PARD3B: variants seen among roughly 807,000 people sequenced by gnomAD.
PARD3B encodes the protein par-3 family cell polarity regulator beta.
PARD3B carries 103 observed loss-of-function variants against 130.2 expected under a neutral mutation model. That is an observed-to-expected ratio of 0.79 (90% CI 0.67 to 0.93). The LOEUF is 0.93. Ranked by LOEUF, PARD3B falls within the 40% of genes least tolerant of loss-of-function variation. The pLI, the probability that PARD3B is intolerant of heterozygous loss-of-function variation, is 0.00. For missense variants in PARD3B, 1,609 were observed against 1,499.2 expected (o/e 1.07, Z -1.21); for synonymous variants, 583 against 553.2 (o/e 1.05, Z -0.76).
chr2:205,071,481 A>G (rs1333780378), intron 4 of PARD3B, among the ~76,000 whole-genome samples: 2 of 152,174 alleles, frequency 1.3e-5, no homozygotes, highest in African/African-American at 4.8e-5. Context: ...GTTGAAATCA[A>G]TGTCTATAAT....
At chr2:205,248,856 C>T (rs1317479190) in intron 16 of PARD3B, among the ~76,000 whole-genome samples, 4 of 151,932 alleles carry the variant, frequency 2.6e-5, no homozygotes, top group Non-Finnish European at 5.9e-5. Context: ...ATCCGCCCGC[C>T]TCGGCCTCCC....
At chr2:204,954,386 G>GT (rs1690058413) in intron 2 of PARD3B, among the ~76,000 whole-genome samples, 1 of 152,132 alleles carries the variant, frequency 6.6e-6, no homozygotes, top group Non-Finnish European at 1.5e-5. Context: ...GCCTCCACCA[G>GT]TTGCTCAGCT....
intron 19 of PARD3B, among the ~76,000 whole-genome samples, chr2:205,435,510 C>G (rs1286831482): frequency 2.0e-5 from 3 of 151,666 alleles, no homozygotes; most frequent in African/African-American, 7.3e-5. Flanking sequence ...TTCTTTTTTA[C>G]TGCTATCTCT....
chr2:205,047,467 G>T, intron 3 of PARD3B, 114 bp from the exon 4 acceptor site: 1 of 580,320 alleles, frequency 1.7e-6, no homozygotes, highest in Non-Finnish European at 3.0e-6. Flanking sequence ...CTTAGAAATA[G>T]AATGTTTTTA....
At chr2:205,120,418 CA>C (rs1260813981) in intron 7 of PARD3B, among the ~76,000 whole-genome samples, 1 of 152,000 alleles carries the variant, frequency 6.6e-6, no homozygotes, top group Non-Finnish European at 1.5e-5. Context: ...TAACAATTTG[CA>C]GAATTAAGCA....
chr2:205,615,715 G>A lies in PARD3B; in HGVS notation c.3520G>A (p.Glu1174Lys), dbSNP rs755353238. The A allele has an allele frequency of 1.9e-6, 3 of 1,614,094 alleles. No individual in the cohort carries two copies. Among genetic ancestry groups the A allele is most frequent in the Non-Finnish European group, 2.5e-6 (3 of 1,180,024 alleles). The part of the protein sequence containing the change: ...PQHQRMPAYQ[E>K]TGRPGPRGGS... ...GCACCAAAGAATGCCAGCCTATCAG[G>A]AAACAGGCAGACCAGGGCCCCGTGG... Residue 1174 changes from glutamate to lysine, a missense_variant, in exon 23 of 23, where the codon GAA (glutamate) becomes AAA (lysine). Transcript: ENST00000406610.
intron 1 of PARD3B, among the ~76,000 whole-genome samples, chr2:204,663,996 CTT>C: frequency 6.6e-6 from 1 of 152,124 alleles, no homozygotes; most frequent in Non-Finnish European, 1.5e-5. Flanking sequence ...TGCAAAAACT[CTT>C]TTCAGTATCC....
chr2:204,666,172 TGA>T (rs1559041658), intron 1 of PARD3B, among the ~76,000 whole-genome samples: 1 of 152,050 alleles, frequency 6.6e-6, no homozygotes, highest in Non-Finnish European at 1.5e-5. Flanking sequence ...CCCCTGCTCT[TGA>T]GAAAGAAACA....
chr2:205,586,692 AT>A (rs1355265463), intron 22 of PARD3B, among the ~76,000 whole-genome samples: 11 of 152,076 alleles, frequency 7.2e-5, no homozygotes, highest in Non-Finnish European at 1.2e-4. Context: ...GGATTTCATA[AT>A]TTCATACATT....
At chr2:204,904,223 A>G (rs1475435008) in intron 2 of PARD3B, among the ~76,000 whole-genome samples, 1 of 152,198 alleles carries the variant, frequency 6.6e-6, no homozygotes, top group Non-Finnish European at 1.5e-5. Context: ...ATAATCCAGG[A>G]TGGTTTCAGT....
intron 21 of PARD3B, among the ~76,000 whole-genome samples, chr2:205,500,807 A>G (rs989575957): frequency 1.3e-5 from 2 of 152,188 alleles, no homozygotes; most frequent in African/African-American, 4.8e-5. Context: ...TACTGGCATT[A>G]TTATCAGAGC....
At chr2:204,764,907 T>C (rs1179145011) in intron 2 of PARD3B, among the ~76,000 whole-genome samples, 1 of 152,146 alleles carries the variant, frequency 6.6e-6, no homozygotes, top group African/African-American at 2.4e-5. Context: ...TTGACAGTTT[T>C]GTTTAAATAA....
At chr2:205,355,935 GA>G (rs1241612130) in intron 18 of PARD3B, among the ~76,000 whole-genome samples, 3 of 152,158 alleles carry the variant, frequency 2.0e-5, no homozygotes, top group African/African-American at 7.2e-5. Context: ...AAAGCATGGG[GA>G]AACTGCCCCC....
At chr2:205,169,707 C>G (rs1041576078) in intron 11 of PARD3B, among the ~76,000 whole-genome samples, 19 of 152,162 alleles carry the variant, frequency 1.2e-4, no homozygotes, top group African/African-American at 4.3e-4. Context: ...ACCTCATTTC[C>G]TGTTAACAGG....
chr2:204,737,627 T>A (rs2039815500), intron 2 of PARD3B, among the ~76,000 whole-genome samples: 1 of 152,330 alleles, frequency 6.6e-6, no homozygotes, highest in Admixed American at 6.5e-5. Context: ...GCTTTTGGGA[T>A]CTTAGTCATG....
chr2:205,254,702 C>T (rs1456131143), intron 16 of PARD3B, among the ~76,000 whole-genome samples: 2 of 149,300 alleles, frequency 1.3e-5, no homozygotes, highest in Non-Finnish European at 3.0e-5. Flanking sequence ...CTCGCTCTGT[C>T]GCCCAGACTG....
At chr2:205,547,726 G>T (rs1381513615) in intron 21 of PARD3B, among the ~76,000 whole-genome samples, 1 of 152,182 alleles carries the variant, frequency 6.6e-6, no homozygotes, top group African/African-American at 2.4e-5. Context: ...CAATGTTACA[G>T]CTGCTAAAGC....
At chr2:204,881,201 C>A (rs1408551482) in intron 2 of PARD3B, among the ~76,000 whole-genome samples, 3 of 152,144 alleles carry the variant, frequency 2.0e-5, no homozygotes, top group Non-Finnish European at 4.4e-5. Context: ...TCAAAGTATG[C>A]CAATATTGTT....
At chr2:205,423,456 A>G (rs1359744665) in intron 19 of PARD3B, among the ~76,000 whole-genome samples, 2 of 152,188 alleles carry the variant, frequency 1.3e-5, no homozygotes, top group South Asian at 4.1e-4. Context: ...TAAATACTCA[A>G]TAAATGTTGG....
Sources: allele counts gnomAD v4.1 joint callset (sites outside exome capture counted in the v4.1 genomes callset), GRCh38; gene constraint gnomAD v4.1.1; transcripts MANE v1.5; gene names NCBI Gene and HGNC (gene_info 2026-07-23, HGNC 2026-07-21).